The following CLIP2 variants were observed in gnomAD, a reference collection of about 807,000 sequenced individuals.
CLIP2 encodes the protein CAP-Gly domain-containing linker protein 2.
A neutral mutation model predicts 111.7 loss-of-function variants in CLIP2; 41 were observed. The observed-to-expected ratio is 0.37, with a 90% CI of 0.29 to 0.48. The LOEUF (loss-of-function observed/expected upper bound fraction) is 0.48. Ranked by LOEUF, CLIP2 falls within the 20% of genes least tolerant of loss-of-function variation. The pLI, the probability that CLIP2 is intolerant of heterozygous loss-of-function variation, is 0.99. For synonymous variants in CLIP2, 660 were observed against 644.2 expected, an observed-to-expected ratio of 1.02 and a Z score of -0.37; for missense variants, 1,160 against 1,422.1, an observed-to-expected ratio of 0.82 and a Z score of 2.96.
intron 3 of CLIP2, among the ~76,000 whole-genome samples, chr7:74,344,556 A>G (rs1367829195): frequency 2.0e-5 from 3 of 151,572 alleles, no homozygotes; most frequent in Admixed American, 6.6e-5. Context: ...TAATTTTTTT[A>G]ATTTTTATTA....
chr7:74,290,613 T>C (rs1029065637), intron 1 of CLIP2, among the ~76,000 whole-genome samples: 45 of 152,086 alleles, frequency 3.0e-4, no homozygotes, highest in African/African-American at 1.0e-3. Context: ...ACCCCTCCTC[T>C]CACTTCTGGG....
chr7:74,363,982 G>A (rs989352579), intron 7 of CLIP2, among the ~76,000 whole-genome samples: 2 of 152,080 alleles, frequency 1.3e-5, no homozygotes, highest in Non-Finnish European at 2.9e-5. Context: ...ACATCCCCGG[G>A]CCACCCTGCC....
At chr7:74,296,936 ACTAATATAGTCC>A (rs1788186113) in intron 1 of CLIP2, among the ~76,000 whole-genome samples, 1 of 152,196 alleles carries the variant, frequency 6.6e-6, no homozygotes, top group Non-Finnish European at 1.5e-5. Flanking sequence ...GCCATAGCAG[ACTAATATAGTCC>A]CTAAGACCAG....
intron 7 of CLIP2, 100 bp from the exon 8 acceptor site, chr7:74,364,155 G>A: frequency 9.3e-7 from 1 of 1,069,980 alleles, no homozygotes. Flanking sequence ...CTGGATTCTG[G>A]GCCATTCTCA....
chr7:74,400,566 G>C lies in CLIP2; in HGVS notation c.3066+11G>C. The C allele has an allele frequency of 6.5e-7, 1 of 1,533,068 alleles. No individual in the cohort carries two copies. The highest frequency in any genetic ancestry group is 1.2e-5 in the South Asian group (1 of 82,144). The allele number at this position is 1,533,068 out of a possible 1,614,324, so 95.0% of individuals were successfully genotyped here. Reference sequence around the variant, plus strand: ...CCTGACAAGGCCCAGGTGAGCCGCGGCTGACAGGGCCCACCAGGAGGCAAG... The same window carrying C: ...CCTGACAAGGCCCAGGTGAGCCGCGCCTGACAGGGCCCACCAGGAGGCAAG... On this transcript the variant is annotated intron_variant, in intron 15 of 16. Transcript: ENST00000223398.
intron 2 of CLIP2, among the ~76,000 whole-genome samples, chr7:74,332,034 G>A (rs868907078): frequency 1.3e-5 from 2 of 152,112 alleles, no homozygotes; most frequent in Admixed American, 6.6e-5. Context: ...GTAGATCGGG[G>A]TCCCCTGCTA....
At chr7:74,336,860 G>GTTTTT (rs376463523) in intron 2 of CLIP2, among the ~76,000 whole-genome samples, 1 of 140,592 alleles carries the variant, frequency 7.1e-6, no homozygotes. Flanking sequence ...TGTTTTTTTT[G>GTTTTT]TTTTTTTTTT....
At chr7:74,328,603 G>A (rs1404249853) in intron 2 of CLIP2, among the ~76,000 whole-genome samples, 1 of 152,094 alleles carries the variant, frequency 6.6e-6, no homozygotes, top group African/African-American at 2.4e-5. Context: ...CCCTTGAGAT[G>A]GCTGCAGATG....
intron 8 of CLIP2, among the ~76,000 whole-genome samples, chr7:74,370,183 A>T (rs1346483188): frequency 7.3e-6 from 1 of 136,660 alleles, no homozygotes; most frequent in Non-Finnish European, 1.6e-5. Context: ...AAATCCAGGC[A>T]CGGTGGCTCA....
chr7:74,340,741 A>G (rs1001682477), intron 3 of CLIP2, among the ~76,000 whole-genome samples: 8 of 152,108 alleles, frequency 5.3e-5, no homozygotes, highest in Admixed American at 1.3e-4. Flanking sequence ...CAGTGTTGGG[A>G]AGAGACTCAT....
intron 1 of CLIP2, among the ~76,000 whole-genome samples, chr7:74,302,254 C>T (rs996418575): frequency 6.6e-5 from 10 of 151,874 alleles, no homozygotes; most frequent in Admixed American, 3.9e-4. Context: ...CTTACTCTGT[C>T]ACCCAGGCTG....
chr7:74,405,574 G>A lies in CLIP2; in HGVS notation c.*1726G>A, dbSNP rs1369457644. On this transcript the variant is annotated 3_prime_UTR_variant, in exon 17 of 17. Transcript: ENST00000223398. ...ATGCAGTTCTATTAACAGCCGTCTA[G>A]AAGCGATGCTTTAGTGGCCTAACCC... is the stretch of plus-strand genomic sequence containing the variant. 6.5e-6 allele frequency: 1 copy of A among 152,694 alleles called. No individual in the cohort carries two copies. The highest frequency in any genetic ancestry group is 1.5e-5 in the Non-Finnish European group (1 of 68,104). 9.5% of individuals were successfully genotyped at this position (152,694 alleles called of 1,614,324 possible).
intron 13 of CLIP2, among the ~76,000 whole-genome samples, chr7:74,394,624 C>T (rs983448280): frequency 5.9e-5 from 9 of 152,186 alleles, no homozygotes; most frequent in South Asian, 2.1e-4. Context: ...GAAGAAATGC[C>T]ATCTCCTTTC....
At position 74,383,635 on chromosome 7, in the gene CLIP2, C is replaced by T. The variant is rs56131428; in HGVS notation, c.2479+2772C>T. 0.028 allele frequency among the ~76,000 whole-genome samples: 4,248 copies of T among 152,182 alleles called. 263 individuals are homozygous for T. In the East Asian group the frequency reaches 0.29, roughly 10 times the overall value. On this transcript the variant is annotated intron_variant, in intron 11 of 16. Transcript: ENST00000223398. ...AAGCAAACACTTCAATGGCATTTAG[C>T]GCAGTCAACAATGTAGTACACCCAG...
Position 74,397,117 on chromosome 7 carries a change from C to T in CLIP2, c.2764C>T (p.His922Tyr). 1 of 1,613,860 alleles carries T rather than the reference C, an allele frequency of 6.2e-7. No homozygotes were observed. Residue 922 changes from histidine (H) to tyrosine (Y), a missense_variant, in exon 14 of 17, where the codon CAC becomes TAC. His to Tyr is a moderately conservative substitution (Grantham distance 83). Transcript: ENST00000223398. ...GGTGTTGCTGCTGGAGGCCAATCGT[C>T]ACTCCCCAGGGCCGGAGAGGGACCT... ...LRVLLLEANR[H>Y]SPGPERDLSR...
intron 11 of CLIP2, among the ~76,000 whole-genome samples, chr7:74,384,505 G>T (rs1288608774): frequency 2.1e-5 from 3 of 145,326 alleles, no homozygotes; most frequent in Non-Finnish European, 4.5e-5. Flanking sequence ...GAGTGCAGTG[G>T]TGCAATCTTG....
chr7:74,309,393 AT>A (rs1189817246), intron 1 of CLIP2, among the ~76,000 whole-genome samples: 1 of 152,154 alleles, frequency 6.6e-6, no homozygotes, highest in African/African-American at 2.4e-5. Context: ...GTTTTAGGAC[AT>A]TTCTACTACC....
intron 1 of CLIP2, 123 bp from the exon 2 acceptor site, chr7:74,317,357 A>T: frequency 1.8e-6 from 1 of 549,560 alleles, no homozygotes; most frequent in Non-Finnish European, 2.7e-6. Context: ...GTGAGCTGAT[A>T]GGTTAAATCG....
chr7:74,293,031 C>T (rs1238900441), intron 1 of CLIP2, among the ~76,000 whole-genome samples: 1 of 152,212 alleles, frequency 6.6e-6, no homozygotes, highest in Non-Finnish European at 1.5e-5. Flanking sequence ...AGGCTGGGCA[C>T]ACCCAGGCTT....
Sources: gnomAD v4.1 joint callset for allele counts (sites outside exome capture counted in the v4.1 genomes callset) on GRCh38, gnomAD v4.1.1 for gene constraint, MANE v1.5 for transcripts, NCBI Gene and HGNC (gene_info 2026-07-23, HGNC 2026-07-21) for gene names.